The following LGSN variants were observed in gnomAD, a reference collection of about 807,000 sequenced individuals.
The protein encoded by LGSN is lengsin, lens protein with glutamine synthetase domain, also known as lengsin.
Under a neutral mutation model 19.5 loss-of-function variants are expected in LGSN, and 21 were observed. That is an observed-to-expected ratio of 1.07 (90% CI 0.76 to 1.55). The LOEUF is 1.55. LGSN is among the 40% of genes most tolerant of loss of function. The pLI is 0.00. For missense variants in LGSN, 673 were observed against 608.5 expected (o/e 1.11, Z -1.12); for synonymous variants, 257 against 215.6 (o/e 1.19, Z -1.68).
At chr6:63,465,595 G>A in the LGSN span, among the ~76,000 whole-genome samples, 386 of 152,226 alleles carry the variant, frequency 2.5e-3, 2 homozygotes, top group African/African-American at 9.0e-3. Context: ...TCCGGCCTTA[G>A]TTTATTGTTT....
At chr6:63,412,735 GA>G in the LGSN span, among the ~76,000 whole-genome samples, 4 of 45,924 alleles carry the variant, frequency 8.7e-5, no homozygotes, top group Admixed American at 5.4e-4. Context: ...AAGAAAGAAA[GA>G]AAGAAAGAAA....
chr6:63,483,403 C>T, the LGSN span, among the ~76,000 whole-genome samples: 80,792 of 150,380 alleles, frequency 0.54, 23,486 homozygotes, highest in African/African-American at 0.77. Context: ...TTTCACTTTG[C>T]CACCCAGGCT....
chr6:63,283,427 A>G (rs1182765487), intron 3 of LGSN, among the ~76,000 whole-genome samples: 1 of 152,172 alleles, frequency 6.6e-6, no homozygotes, highest in African/African-American at 2.4e-5. Context: ...AGAATTAGTT[A>G]TGAGTCCTGT....
the LGSN span, among the ~76,000 whole-genome samples, chr6:63,326,299 A>T: frequency 1.3e-5 from 2 of 152,172 alleles, no homozygotes; most frequent in African/African-American, 2.4e-5. Flanking sequence ...AGCTAGATAC[A>T]GAGTGCCGAT....
At chr6:63,556,224 A>AAGC in the LGSN span, among the ~76,000 whole-genome samples, 8 of 151,748 alleles carry the variant, frequency 5.3e-5, no homozygotes, top group African/African-American at 1.9e-4. Context: ...CAGTGCCACA[A>AAGC]TCACAGCTCA....
At chr6:63,458,871 A>G in the LGSN span, among the ~76,000 whole-genome samples, 5 of 152,246 alleles carry the variant, frequency 3.3e-5, no homozygotes, top group Admixed American at 2.0e-4. Flanking sequence ...GTATTGGGCA[A>G]TGGAAAATTT....
At chr6:63,375,474 G>T in the LGSN span, among the ~76,000 whole-genome samples, 5 of 151,750 alleles carry the variant, frequency 3.3e-5, no homozygotes, top group Non-Finnish European at 4.4e-5. Flanking sequence ...CACTGAAATT[G>T]CAAGAAAAGC....
the LGSN span, among the ~76,000 whole-genome samples, chr6:63,460,946 A>G: frequency 4.6e-5 from 7 of 152,220 alleles, no homozygotes; most frequent in African/African-American, 1.7e-4. Context: ...ACAGGCATCA[A>G]AGTCTACACT....
At chr6:63,324,421 T>C (rs1769181291), upstream of LGSN, among the ~76,000 whole-genome samples, 1 of 152,240 alleles carries the variant, frequency 6.6e-6, no homozygotes, top group Non-Finnish European at 1.5e-5. Context: ...TCTGTGATTG[T>C]GTAAGATATT....
chr6:63,420,189 C>A, the LGSN span, among the ~76,000 whole-genome samples: 1 of 149,962 alleles, frequency 6.7e-6, no homozygotes, highest in African/African-American at 2.5e-5. Context: ...GGCGACAGAC[C>A]GAGACTGCGT....
the LGSN span, among the ~76,000 whole-genome samples, chr6:63,510,663 T>C: frequency 3.1e-5 from 1 of 32,758 alleles, no homozygotes; most frequent in African/African-American, 4.6e-4. Context: ...GAAGCGAATT[T>C]TTTTTTTTTT....
chr6:63,573,029 G>A, the LGSN span, among the ~76,000 whole-genome samples: 145 of 152,102 alleles, frequency 9.5e-4, 2 homozygotes, highest in South Asian at 0.018. Flanking sequence ...GGCGGCCGGG[G>A]GCAGTTTCGG....
the LGSN span, among the ~76,000 whole-genome samples, chr6:63,332,646 G>A: frequency 2.4e-4 from 37 of 152,288 alleles, no homozygotes; most frequent in Admixed American, 5.2e-4. Context: ...CGCGCTAGTC[G>A]CTTTCCACTG....
chr6:63,345,047 A>AC, the LGSN span, among the ~76,000 whole-genome samples: 5,467 of 152,216 alleles, frequency 0.036, 329 homozygotes, highest in African/African-American at 0.12. Flanking sequence ...AAAGGAAAAT[A>AC]ATTCTATGAC....
chr6:63,511,099 T>G, the LGSN span, among the ~76,000 whole-genome samples: 3 of 152,154 alleles, frequency 2.0e-5, no homozygotes, highest in Non-Finnish European at 4.4e-5. Context: ...GGAGTAACAA[T>G]CAGGGCACTT....
chr6:63,473,461 G>A, the LGSN span, among the ~76,000 whole-genome samples: 50 of 120,464 alleles, frequency 4.2e-4, no homozygotes, highest in East Asian at 7.5e-4. Flanking sequence ...GTAACAGAGC[G>A]ACACTCTGTC....
the LGSN span, among the ~76,000 whole-genome samples, chr6:63,545,591 A>G: frequency 2.0e-5 from 3 of 152,132 alleles, no homozygotes; most frequent in African/African-American, 7.2e-5. Flanking sequence ...AGCCTGGGCA[A>G]CAGAGCAAGA....
At chr6:63,403,782 C>T in the LGSN span, among the ~76,000 whole-genome samples, 1 of 152,100 alleles carries the variant, frequency 6.6e-6, no homozygotes, top group Non-Finnish European at 1.5e-5. Context: ...TTAAAGTATT[C>T]CCGTGATTCC....
chr6:63,433,546 G>A, the LGSN span, among the ~76,000 whole-genome samples: 1 of 152,194 alleles, frequency 6.6e-6, no homozygotes, highest in African/African-American at 2.4e-5. Flanking sequence ...GTGATTCACA[G>A]TGAACTAGTA....
Sources: allele counts gnomAD v4.1 joint callset (sites outside exome capture counted in the v4.1 genomes callset), GRCh38; gene constraint gnomAD v4.1.1; transcripts MANE v1.5; gene names NCBI Gene and HGNC (gene_info 2026-07-23, HGNC 2026-07-21).